Variants in ALPL observed in about 807,000 individuals in gnomAD.
ALPL encodes alkaline phosphatase, biomineralization associated, also known as alkaline phosphatase, tissue-nonspecific isozyme.
Under a neutral mutation model 51.3 loss-of-function variants are expected in ALPL, and 42 were observed. The ratio of observed to expected loss-of-function variants is 0.82; its 90% CI spans 0.64 to 1.06. The LOEUF (loss-of-function observed/expected upper bound fraction) is 1.06. ALPL is among the 50% of genes least tolerant of loss of function. The pLI, the probability that ALPL is intolerant of heterozygous loss-of-function variation, is 0.00. For synonymous variants in ALPL, 279 were observed against 296.4 expected, an observed-to-expected ratio of 0.94 and a Z score of 0.60; for missense variants, 589 against 709.4, an observed-to-expected ratio of 0.83 and a Z score of 1.93.
intron 1 of ALPL, among the ~76,000 whole-genome samples, chr1:21,549,475 CTT>C (rs5772952): frequency 4.1e-5 from 6 of 145,546 alleles, no homozygotes; most frequent in Admixed American, 2.1e-4. Flanking sequence ...TTTTCTTTTT[CTT>C]TTTTTTTTTT....
At chr1:21,560,969 C>A in intron 3 of ALPL, 128 bp from the exon 4 acceptor site, 1 of 1,022,996 alleles carries the variant, frequency 9.8e-7, no homozygotes, top group Non-Finnish European at 1.5e-6. Flanking sequence ...CTGACATTTA[C>A]AGAGCCATGC....
At chr1:21,549,372 C>T (rs2148125359) in intron 1 of ALPL, among the ~76,000 whole-genome samples, 1 of 152,304 alleles carries the variant, frequency 6.6e-6, no homozygotes, top group East Asian at 1.9e-4. Context: ...TTCTAAAAGA[C>T]ATCTCCAACT....
intron 1 of ALPL, among the ~76,000 whole-genome samples, chr1:21,521,278 G>A (rs1176841115): frequency 2.6e-5 from 4 of 152,012 alleles, no homozygotes; most frequent in Admixed American, 6.6e-5. Context: ...TGCGCCTCCC[G>A]GGTTCAAGCG....
At chr1:21,529,470 C>G (rs1643999614) in intron 1 of ALPL, among the ~76,000 whole-genome samples, 1 of 152,090 alleles carries the variant, frequency 6.6e-6, no homozygotes, top group South Asian at 2.1e-4. Flanking sequence ...GTTTCCTGGA[C>G]CTTCCAAAGT....
intron 9 of ALPL, chr1:21,574,270 T>G: frequency 6.5e-6 from 6 of 919,472 alleles, no homozygotes; most frequent in Non-Finnish European, 7.8e-6. Flanking sequence ...ACCTGTGCAC[T>G]TCTGTTATGT....
chr1:21,554,016 A>ACCC lies in ALPL; in HGVS notation c.-63_-61dup. On this transcript the variant is annotated 5_prime_UTR_variant, in exon 2 of 12. Transcript: ENST00000374840. Reference sequence around the variant, plus strand: ...GTTAACATCTGACCACTGCCAGCCCACCCCCTCCCACCCACGTCGATTGCA... The same window carrying ACCC: ...GTTAACATCTGACCACTGCCAGCCCACCCCCCCCTCCCACCCACGTCGATTGCA... 3.2e-6 allele frequency: 2 copies of ACCC among 615,580 alleles called. No homozygotes were observed. Among genetic ancestry groups the ACCC allele is most frequent in the Non-Finnish European group, 6.1e-6 (2 of 325,218 alleles). 38.1% of individuals were successfully genotyped at this position (615,580 alleles called of 1,614,324 possible).
chr1:21,517,118 C>T (rs1483221614), intron 1 of ALPL, among the ~76,000 whole-genome samples: 2 of 152,154 alleles, frequency 1.3e-5, no homozygotes, highest in Non-Finnish European at 2.9e-5. Flanking sequence ...AACAGAATGG[C>T]TGGTTGGGTA....
intron 1 of ALPL, among the ~76,000 whole-genome samples, chr1:21,523,512 A>C (rs1643904722): frequency 6.6e-6 from 1 of 152,164 alleles, no homozygotes; most frequent in Admixed American, 6.5e-5. Context: ...GCCAGGGTGC[A>C]TGCTGGCGCT....
At chr1:21,575,601 A>T (rs1644716108) in intron 9 of ALPL, 132 bp from the exon 10 acceptor site, 2 of 1,089,708 alleles carry the variant, frequency 1.8e-6, no homozygotes, top group Non-Finnish European at 2.8e-6. Context: ...GTGCTAGCTC[A>T]GAGTGGTGCC....
intron 1 of ALPL, among the ~76,000 whole-genome samples, chr1:21,523,012 G>T (rs374339814): frequency 6.6e-6 from 1 of 152,214 alleles, no homozygotes; most frequent in Non-Finnish European, 1.5e-5. Flanking sequence ...TGGGCTGGGC[G>T]CAGTGGCCCC....
At chr1:21,569,407 A>T (rs1254738213) in intron 7 of ALPL, among the ~76,000 whole-genome samples, 1 of 152,216 alleles carries the variant, frequency 6.6e-6, no homozygotes, top group African/African-American at 2.4e-5. Context: ...CCACATCCCT[A>T]GAAAATCATG....
intron 1 of ALPL, among the ~76,000 whole-genome samples, chr1:21,546,364 G>A (rs1346527738): frequency 6.6e-6 from 1 of 152,288 alleles, no homozygotes; most frequent in East Asian, 1.9e-4. Flanking sequence ...TGGACCATGG[G>A]ATCTGAGGTG....
At chr1:21,572,647 A>C (rs749668886) in intron 8 of ALPL, among the ~76,000 whole-genome samples, 10 of 152,102 alleles carry the variant, frequency 6.6e-5, no homozygotes, top group Non-Finnish European at 1.3e-4. Context: ...CCCTGTGTGC[A>C]TGGGAGCTAT....
At chr1:21,510,092 G>GTGTGGGCACCCAC (rs1349968608) in intron 1 of ALPL, among the ~76,000 whole-genome samples, 3 of 152,148 alleles carry the variant, frequency 2.0e-5, no homozygotes, top group Non-Finnish European at 4.4e-5. Context: ...GGGTGTCAAA[G>GTGTGGGCACCCAC]TGTGGGCACC....
At chr1:21,514,738 T>TA (rs1379790062) in intron 1 of ALPL, among the ~76,000 whole-genome samples, 1 of 152,176 alleles carries the variant, frequency 6.6e-6, no homozygotes, top group Non-Finnish European at 1.5e-5. Context: ...CCCTGGTCCT[T>TA]ACACCTGCAG....
At chr1:21,576,465 T>G in intron 10 of ALPL, 57 bp from the exon 11 acceptor site, 2 of 1,601,446 alleles carry the variant, frequency 1.2e-6, no homozygotes, top group Non-Finnish European at 1.7e-6. Context: ...ATCTGGGGGC[T>G]GGGGACTGTA....
At chr1:21,523,377 G>A (rs528962713) in intron 1 of ALPL, among the ~76,000 whole-genome samples, 2 of 152,350 alleles carry the variant, frequency 1.3e-5, no homozygotes, top group South Asian at 4.1e-4. Flanking sequence ...GCTCTGGAGT[G>A]TGAACACCAG....
At chr1:21,513,232 G>A (rs542724278) in intron 1 of ALPL, among the ~76,000 whole-genome samples, 1 of 152,206 alleles carries the variant, frequency 6.6e-6, no homozygotes, top group Non-Finnish European at 1.5e-5. Flanking sequence ...GAGGAGAAGA[G>A]GCTTGCCCAG....
chr1:21,522,130 GGC>G (rs1643888695), intron 1 of ALPL, among the ~76,000 whole-genome samples: 1 of 149,622 alleles, frequency 6.7e-6, no homozygotes, highest in Non-Finnish European at 1.5e-5. Flanking sequence ...GGAGTGCAGT[GGC>G]GCAATCTCGG....
Sources: gnomAD v4.1 joint callset for allele counts (sites outside exome capture counted in the v4.1 genomes callset) on GRCh38, gnomAD v4.1.1 for gene constraint, MANE v1.5 for transcripts, NCBI Gene and HGNC (gene_info 2026-07-23, HGNC 2026-07-21) for gene names.